Variants in FRMD3 observed in about 807,000 individuals in gnomAD.
FRMD3 encodes FERM domain-containing protein 3.
FRMD3 carries 33 observed loss-of-function variants against 70.2 expected under a neutral mutation model. That is an observed-to-expected ratio of 0.47 (90% CI 0.36 to 0.63). The LOEUF (loss-of-function observed/expected upper bound fraction) is 0.63. FRMD3 is among the 20% of genes least tolerant of loss of function. FRMD3 has a pLI of 0.00. For missense variants in FRMD3, 632 were observed against 711.4 expected (o/e 0.89, Z 1.27); for synonymous variants, 279 against 255.9 (o/e 1.09, Z -0.86).
chr9:83,500,438 C>T (rs1305062314), intron 1 of FRMD3, among the ~76,000 whole-genome samples: 1 of 151,128 alleles, frequency 6.6e-6, no homozygotes, highest in Non-Finnish European at 1.5e-5. Flanking sequence ...TCTTGAATAT[C>T]CATTTCCTAC....
At chr9:83,259,057 G>T (rs895426626) in intron 13 of FRMD3, among the ~76,000 whole-genome samples, 1 of 152,170 alleles carries the variant, frequency 6.6e-6, no homozygotes, top group Non-Finnish European at 1.5e-5. Context: ...CATAATAGAG[G>T]CTTTTATAGA....
chr9:83,457,144 C>A (rs1827841937), intron 1 of FRMD3, among the ~76,000 whole-genome samples: 1 of 152,198 alleles, frequency 6.6e-6, no homozygotes, highest in African/African-American at 2.4e-5. Context: ...TATCTACTTA[C>A]AATATTGCCC....
upstream of FRMD3, among the ~76,000 whole-genome samples, chr9:83,539,907 T>C (rs991648957): frequency 2.6e-5 from 4 of 152,232 alleles, no homozygotes; most frequent in Non-Finnish European, 4.4e-5. Flanking sequence ...ATGTAGGCTC[T>C]TGAGCTGGGC....
chr9:83,478,776 A>G (rs1828459888), intron 1 of FRMD3, among the ~76,000 whole-genome samples: 1 of 152,192 alleles, frequency 6.6e-6, no homozygotes, highest in Non-Finnish European at 1.5e-5. Flanking sequence ...TAAATTTCAA[A>G]ATGTGGTATA....
At chr9:83,567,951 A>G in the FRMD3 span, among the ~76,000 whole-genome samples, 1 of 152,208 alleles carries the variant, frequency 6.6e-6, no homozygotes, top group African/African-American at 2.4e-5. Context: ...ATTTTCAGGT[A>G]TCTTTTCAGT....
At chr9:83,484,280 T>C (rs1036730369) in intron 1 of FRMD3, among the ~76,000 whole-genome samples, 2 of 152,220 alleles carry the variant, frequency 1.3e-5, no homozygotes, top group Admixed American at 6.5e-5. Context: ...TGCCAATATA[T>C]AGAATACAAC....
At chr9:83,357,996 C>A (rs1824458551) in intron 3 of FRMD3, among the ~76,000 whole-genome samples, 1 of 137,212 alleles carries the variant, frequency 7.3e-6, no homozygotes, top group African/African-American at 2.5e-5. Flanking sequence ...GGAGTCTTTG[C>A]CTAACCCAAT....
At position 83,244,718 on chromosome 9, in the gene FRMD3, A is replaced by C. The variant is rs1832005839; in HGVS notation, c.*3200T>G. ...ATAGAAATGCAAATTTCACTATACA[A>C]AGGTAAGGCTCCAATCACAGTAACA... is the stretch of plus-strand genomic sequence containing the variant. On this transcript the variant is annotated 3_prime_UTR_variant, in exon 14 of 14. Coordinates refer to ENST00000304195, the MANE Select transcript of FRMD3 (RefSeq NM_174938.6). The C allele has an allele frequency of 1.0e-6, 1 of 984,864 alleles. No individual in the cohort carries two copies. The highest frequency in any genetic ancestry group is 1.2e-6 in the Non-Finnish European group (1 of 829,532). 61.0% of individuals were successfully genotyped at this position (984,864 alleles called of 1,614,324 possible). A position where few individuals can be genotyped will look rare whatever the true frequency, so the allele number is the denominator to read the frequency against.
At chr9:83,313,999 G>T (rs1321669460) in intron 6 of FRMD3, among the ~76,000 whole-genome samples, 1 of 152,192 alleles carries the variant, frequency 6.6e-6, no homozygotes, top group Non-Finnish European at 1.5e-5. Context: ...GATCCGTACA[G>T]TTAATCAAGG....
the FRMD3 span, among the ~76,000 whole-genome samples, chr9:83,558,588 CA>C: frequency 2.0e-5 from 3 of 152,112 alleles, no homozygotes; most frequent in African/African-American, 7.2e-5. Flanking sequence ...ACCCATGGAT[CA>C]AGGAGTAATT....
intron 1 of FRMD3, among the ~76,000 whole-genome samples, chr9:83,507,687 C>CACACAT (rs1374507996): frequency 2.1e-5 from 1 of 46,898 alleles, no homozygotes; most frequent in Non-Finnish European, 4.8e-5. Context: ...AAAAAATATA[C>CACACAT]ATACATATAT....
At chr9:83,358,931 A>G (rs1038152985) in intron 3 of FRMD3, among the ~76,000 whole-genome samples, 4 of 152,134 alleles carry the variant, frequency 2.6e-5, no homozygotes, top group Middle Eastern at 3.2e-3. Context: ...TCATTCTCCA[A>G]CTGTGACTCT....
intron 1 of FRMD3, among the ~76,000 whole-genome samples, chr9:83,461,715 G>T (rs1274831576): frequency 1.0e-5 from 1 of 97,520 alleles, no homozygotes; most frequent in African/African-American, 4.0e-5. Context: ...TTGAGATGGA[G>T]TCTCACTCTG....
chr9:83,256,581 T>TA (rs1207604957), intron 13 of FRMD3, among the ~76,000 whole-genome samples: 2 of 151,898 alleles, frequency 1.3e-5, no homozygotes, highest in Admixed American at 6.6e-5. Context: ...ACAGATAACC[T>TA]AAAAAATGGG....
the FRMD3 span, among the ~76,000 whole-genome samples, chr9:83,548,216 C>T: frequency 1.3e-5 from 2 of 152,166 alleles, no homozygotes; most frequent in Non-Finnish European, 2.9e-5. Flanking sequence ...ACCTATGCAA[C>T]TAGGTATTCA....
intron 10 of FRMD3, among the ~76,000 whole-genome samples, chr9:83,301,604 C>T (rs531262197): frequency 3.3e-5 from 5 of 152,070 alleles, no homozygotes; most frequent in African/African-American, 1.2e-4. Context: ...ACAGAAGCGA[C>T]ACGTGAAGCC....
chr9:83,419,591 A>G (rs780674716), intron 1 of FRMD3, among the ~76,000 whole-genome samples: 15 of 150,540 alleles, frequency 1.0e-4, no homozygotes, highest in Non-Finnish European at 1.9e-4. Context: ...ATATGTGTTC[A>G]TGTGTGCTGC....
At chr9:83,525,638 G>A (rs750867253) in intron 1 of FRMD3, among the ~76,000 whole-genome samples, 7 of 152,084 alleles carry the variant, frequency 4.6e-5, no homozygotes, top group African/African-American at 7.2e-5. Context: ...AAAGAAAATC[G>A]TATGCTTTGA....
At chr9:83,421,105 T>A (rs2131359006) in intron 1 of FRMD3, among the ~76,000 whole-genome samples, 1 of 151,358 alleles carries the variant, frequency 6.6e-6, no homozygotes, top group Admixed American at 6.6e-5. Flanking sequence ...CACGCCCGGC[T>A]AATTTTTTGT....
Sources: gnomAD v4.1 joint callset for allele counts (sites outside exome capture counted in the v4.1 genomes callset) on GRCh38, gnomAD v4.1.1 for gene constraint, MANE v1.5 for transcripts, NCBI Gene and HGNC (gene_info 2026-07-23, HGNC 2026-07-21) for gene names.